Variants in NBEAL1 observed in about 807,000 individuals in gnomAD.
The protein encoded by NBEAL1 is neurobeachin-like protein 1.
NBEAL1 carries 273 observed loss-of-function variants against 351.3 expected under a neutral mutation model. That is an observed-to-expected ratio of 0.78 (90% confidence interval 0.70 to 0.86). NBEAL1 has a LOEUF of 0.86. Among genes scored for constraint, NBEAL1 ranks in the 40% least tolerant of loss-of-function variants. The pLI is 0.00. For synonymous variants in NBEAL1, 1,050 were observed against 1,086.4 expected (o/e 0.97, Z 0.66); for missense variants, 2,961 against 3,201.3 (o/e 0.92, Z 1.81).
Position 203,099,660 on chromosome 2 carries a change from T to C in NBEAL1, c.1217T>C (p.Ile406Thr). 4 of 1,552,172 alleles carry C rather than the reference T, an allele frequency of 2.6e-6. No individual in the cohort carries two copies. Among genetic ancestry groups the C allele is most frequent in the Non-Finnish European group, 3.5e-6 (4 of 1,146,878 alleles). ...VFQGQLDCLA[I>T]STIQALTAVM... ...CAGGGACAATTGGATTGTTTGGCCA[T>C]ATCAACCATTCAGGCTTTGACCGCA... The change falls in exon 12 of 56, where the codon ATA becomes ACA. Residue 406 changes from isoleucine (I) to threonine (T), a missense_variant. Coordinates refer to ENST00000683969, the MANE Select transcript of NBEAL1 (RefSeq NM_001378026.1).
intron 18 of NBEAL1, among the ~76,000 whole-genome samples, chr2:203,120,885 G>A (rs1559380777): frequency 1.3e-5 from 2 of 152,144 alleles, no homozygotes; most frequent in African/African-American, 2.4e-5. Flanking sequence ...GACGGATAAC[G>A]TTTAAGTATT....
chr2:203,181,877 GTA>G (rs1297940153), intron 43 of NBEAL1: 2 of 152,316 alleles, frequency 1.3e-5, no homozygotes, highest in East Asian at 3.9e-4. Flanking sequence ...CTAAAGCAGA[GTA>G]TCTAGAATAG....
chr2:203,107,374 C>A, intron 12 of NBEAL1, 46 bp from the exon 13 acceptor site: 2 of 892,934 alleles, frequency 2.2e-6, no homozygotes, highest in Non-Finnish European at 3.5e-6. Flanking sequence ...CCAACATATT[C>A]AGTCTTTGAA....
At chr2:203,197,792 C>T (rs538720726) in intron 48 of NBEAL1, among the ~76,000 whole-genome samples, 1 of 151,976 alleles carries the variant, frequency 6.6e-6, no homozygotes, top group Non-Finnish European at 1.5e-5. Context: ...GCCTGTAATT[C>T]CAGCTACTTG....
intron 44 of NBEAL1, among the ~76,000 whole-genome samples, chr2:203,184,896 TA>T (rs79340619): frequency 0.013 from 1,788 of 140,168 alleles, 8 homozygotes; most frequent in Non-Finnish European, 0.014. Flanking sequence ...ACCCTGTATT[TA>T]AAAAAAAAAA....
chr2:203,181,303 A>AT, intron 43 of NBEAL1: 1 of 152,072 alleles, frequency 6.6e-6, no homozygotes, highest in East Asian at 1.9e-4. Flanking sequence ...GTTGCAACAG[A>AT]TATGATAACA....
At chr2:203,135,627 AAAGT>A (rs1380822425) in intron 27 of NBEAL1, 46 bp from the exon 28 acceptor site, 2 of 1,106,454 alleles carry the variant, frequency 1.8e-6, no homozygotes, top group Non-Finnish European at 2.5e-6. Flanking sequence ...TTTTTGATAT[AAAGT>A]ACTATGTACT....
chr2:203,171,926 A>C lies in NBEAL1; in HGVS notation c.6103-2A>C. 1 of 1,572,070 alleles carries C rather than the reference A, an allele frequency of 6.4e-7. No homozygotes were observed. The highest frequency in any genetic ancestry group is 1.2e-5 in the South Asian group (1 of 86,082). On this transcript the variant is annotated splice_acceptor_variant, in intron 39 of 55. Coordinates refer to ENST00000683969, the MANE Select transcript of NBEAL1 (RefSeq NM_001378026.1). LOFTEE classifies it high-confidence loss of function. Reference sequence around the variant, plus strand: ...GATATTGCTCTTTTTTGTGCTGTCTAGAAATGGGTAAACAGAGAGATATCA... The same window carrying C: ...GATATTGCTCTTTTTTGTGCTGTCTCGAAATGGGTAAACAGAGAGATATCA...
chr2:203,211,023 A>G lies in NBEAL1; in HGVS notation c.7851A>G (p.Glu2617=), dbSNP rs1173273896. ...GKYLGSQILK[E]QVSDICIIGE... ...ATCTAGGGTCTCAAATCCTGAAGGAACAAGTATCAGATATATGTATAATCG... is the reference window on the plus strand; with the variant it reads ...ATCTAGGGTCTCAAATCCTGAAGGAGCAAGTATCAGATATATGTATAATCG... The change falls in exon 54 of 56, where the codon GAA becomes GAG. Residue 2617 remains glutamate (E), a synonymous_variant. Coordinates refer to ENST00000683969, the MANE Select transcript of NBEAL1 (RefSeq NM_001378026.1). The G allele has an allele frequency of 6.2e-7, 1 of 1,607,086 alleles. No homozygotes were observed. Among genetic ancestry groups the G allele is most frequent in the African/African-American group, 1.3e-5 (1 of 74,812 alleles).
intron 10 of NBEAL1, among the ~76,000 whole-genome samples, chr2:203,094,614 AT>A (rs1161851041): frequency 1.3e-5 from 2 of 151,980 alleles, no homozygotes; most frequent in East Asian, 1.9e-4. Flanking sequence ...GTATGCGTTG[AT>A]TTCCGTAAGT....
chr2:203,126,894 G>C lies in NBEAL1; in HGVS notation c.3216G>C (p.Gln1072His). Residue 1072 changes from glutamine (Q) to histidine (H), a missense_variant, in exon 23 of 56, where the codon CAG becomes CAC. Physicochemically the swap from Gln to His is conservative, Grantham distance 24. Transcript: ENST00000683969. ...TTTTCCGAAAGAAGTATGGTGTGCA[G>C]TTTCTCCTAGATACACTTAGGATTT... ...RRVFRKKYGV[Q>H]FLLDTLRIYY... is the part of the protein sequence containing the mutation. The C allele has an allele frequency of 6.4e-7, 1 of 1,552,022 alleles. No individual in the cohort carries two copies. The highest frequency in any genetic ancestry group is 8.7e-7 in the Non-Finnish European group (1 of 1,146,586).
At chr2:203,212,001 C>T (rs1470968521) in intron 54 of NBEAL1, among the ~76,000 whole-genome samples, 1 of 152,048 alleles carries the variant, frequency 6.6e-6, no homozygotes, top group Non-Finnish European at 1.5e-5. Flanking sequence ...ATTCTCCTGC[C>T]TCACCCTCCA....
chr2:203,151,124 A>G (rs1159780772), intron 34 of NBEAL1, among the ~76,000 whole-genome samples: 1 of 152,192 alleles, frequency 6.6e-6, no homozygotes, highest in Non-Finnish European at 1.5e-5. Context: ...TTGAGCCAGG[A>G]GTTCGAGACC....
intron 42 of NBEAL1, among the ~76,000 whole-genome samples, chr2:203,179,251 C>T (rs2064623567): frequency 6.6e-6 from 1 of 152,182 alleles, no homozygotes; most frequent in Admixed American, 6.5e-5. Context: ...ACAATTGCAG[C>T]ATATCCATTT....
intron 34 of NBEAL1, among the ~76,000 whole-genome samples, chr2:203,150,452 C>A (rs547882405): frequency 6.6e-5 from 10 of 151,460 alleles, no homozygotes; most frequent in Non-Finnish European, 1.5e-4. Context: ...ATATATATAT[C>A]GAATAATAGA....
At chr2:203,138,067 C>T in intron 29 of NBEAL1, 95 bp from the exon 30 acceptor site, 1 of 1,073,978 alleles carries the variant, frequency 9.3e-7, no homozygotes, top group South Asian at 1.6e-5. Context: ...TTTAGAGATA[C>T]AGTGCTGCCT....
chr2:203,032,839 A>G (rs2060973528), intron 2 of NBEAL1, among the ~76,000 whole-genome samples: 1 of 140,470 alleles, frequency 7.1e-6, no homozygotes, highest in Non-Finnish European at 1.6e-5. Context: ...TAGTTTTTGT[A>G]TTTTTGGTAG....
intron 47 of NBEAL1, 22 bp downstream of exon 47, chr2:203,193,933 T>C (rs774981899): frequency 1.5e-6 from 2 of 1,330,764 alleles, no homozygotes; most frequent in East Asian, 2.3e-5. Context: ...CTTGGTAATA[T>C]CAAAAAGAGT....
intron 10 of NBEAL1, chr2:203,085,282 G>C (rs1226128654): frequency 1.3e-5 from 2 of 152,140 alleles, no homozygotes; most frequent in Non-Finnish European, 2.9e-5. Flanking sequence ...TAGAGACCGG[G>C]TTTCACCATG....
Sources: allele counts gnomAD v4.1 joint callset (sites outside exome capture counted in the v4.1 genomes callset), GRCh38; gene constraint gnomAD v4.1.1; transcripts MANE v1.5; gene names NCBI Gene and HGNC (gene_info 2026-07-23, HGNC 2026-07-21).